Variants in ARHGEF38 observed in about 807,000 individuals in gnomAD.
ARHGEF38 encodes Rho guanine nucleotide exchange factor (GEF) 38.
A neutral mutation model predicts 79.9 loss-of-function variants in ARHGEF38; 79 were observed. The observed-to-expected ratio is 0.99, with a 90% confidence interval of 0.82 to 1.19. The LOEUF is 1.19. Among genes scored for constraint, ARHGEF38 ranks in the 50% most tolerant of loss-of-function variants. The pLI, the probability that ARHGEF38 is intolerant of heterozygous loss-of-function variation, is 0.00. For missense variants in ARHGEF38, 962 were observed against 907.2 expected, an observed-to-expected ratio of 1.06 and a Z score of -0.78; for synonymous variants, 366 against 328.3, an observed-to-expected ratio of 1.11 and a Z score of -1.24.
At position 105,680,818 on chromosome 4, in the gene ARHGEF38, T is replaced by G. The variant is rs1280386873; in HGVS notation, c.*2881T>G. On this transcript the variant is annotated 3_prime_UTR_variant, in exon 14 of 14. Coordinates refer to ENST00000420470, the MANE Select transcript of ARHGEF38 (RefSeq NM_001242729.2). The stretch of plus-strand genomic sequence containing the variant: ...CAACAGAAATTAAAATAATTGCTTC[T>G]CTTCTCAACTCTATGTAGCACGTAT... The G allele has an allele frequency of 3.3e-5, 5 of 152,194 alleles. No homozygotes were observed. The highest frequency in any genetic ancestry group is 1.5e-5 in the Non-Finnish European group (1 of 68,010). 9.4% of individuals were successfully genotyped at this position (152,194 alleles called of 1,614,324 possible).
At chr4:105,596,163 G>A (rs910252688) in intron 2 of ARHGEF38, among the ~76,000 whole-genome samples, 2 of 152,140 alleles carry the variant, frequency 1.3e-5, no homozygotes, top group African/African-American at 2.4e-5. Flanking sequence ...TCAGGATGGT[G>A]GGGAGTATAT....
rs201739133 is a variant in ARHGEF38 at position 105,631,608 on chromosome 4, A to C, written c.656+563A>C. 5.1e-6 allele frequency: 5 copies of C among 985,248 alleles called. No individual in the cohort carries two copies. The East Asian group carries it at 5.7e-4, about 112-fold the overall frequency. 61.0% of individuals were successfully genotyped at this position (985,248 alleles called of 1,614,324 possible). A position where few individuals can be genotyped will look rare whatever the true frequency, so the allele number is the denominator to read the frequency against. ...CAATGTACTTTTTCTTTTCTAGAGGAAGTATCTATTCACTGTGAAAATCTG... is the reference window on the plus strand; with the variant it reads ...CAATGTACTTTTTCTTTTCTAGAGGCAGTATCTATTCACTGTGAAAATCTG... On this transcript the variant is annotated intron_variant, in intron 4 of 13. Coordinates refer to ENST00000420470, the MANE Select transcript of ARHGEF38 (RefSeq NM_001242729.2).
intron 1 of ARHGEF38, among the ~76,000 whole-genome samples, chr4:105,561,371 C>G: frequency 7.3e-6 from 1 of 137,414 alleles, no homozygotes; most frequent in African/African-American, 2.8e-5. Flanking sequence ...CACTGCACTC[C>G]AGCCTGGAGT....
In ARHGEF38 at chr4:105,589,430, A is replaced by T. The variant is rs780516720; in HGVS notation, c.379A>T (p.Lys127Ter). ...VREVVQPLRN[K>*]KTDRLDVDSL... ...GGAAGTGGTTCAGCCCCTGAGAAAT[A>T]AAAAGGTAAATATATATTTGAGATT... Residue 127 changes from lysine to a stop codon, truncating the protein, a stop_gained, in exon 2 of 14, where the codon AAA becomes TAA. Transcript: ENST00000420470. LOFTEE classifies it high-confidence loss of function. 25 of 1,604,972 alleles carry T rather than the reference A, an allele frequency of 1.6e-5. No individual in the cohort carries two copies. The South Asian group carries it at 2.6e-4, about 17-fold the overall frequency.
At chr4:105,594,995 A>T (rs1727514698) in intron 2 of ARHGEF38, among the ~76,000 whole-genome samples, 1 of 152,240 alleles carries the variant, frequency 6.6e-6, no homozygotes, top group Non-Finnish European at 1.5e-5. Context: ...ACTAGAGTAG[A>T]CTAATCTAAC....
intron 2 of ARHGEF38, among the ~76,000 whole-genome samples, chr4:105,612,365 T>C (rs1170598908): frequency 6.6e-6 from 1 of 152,128 alleles, no homozygotes; most frequent in Non-Finnish European, 1.5e-5. Context: ...TCCCTAACTT[T>C]GCTGAGCTGG....
At chr4:105,659,623 C>G (rs1264353468) in intron 10 of ARHGEF38, among the ~76,000 whole-genome samples, 1 of 152,106 alleles carries the variant, frequency 6.6e-6, no homozygotes, top group Non-Finnish European at 1.5e-5. Flanking sequence ...TTTTCAAATA[C>G]CAAACACCTT....
intron 1 of ARHGEF38, among the ~76,000 whole-genome samples, chr4:105,561,409 A>AATG (rs1725534563): frequency 2.0e-5 from 1 of 51,258 alleles, no homozygotes. Flanking sequence ...ATAATAGAAT[A>AATG]GAATAGAATA....
At chr4:105,553,113 C>T in intron 1 of ARHGEF38, 152 bp downstream of exon 1, 2 of 598,524 alleles carry the variant, frequency 3.3e-6, no homozygotes, top group Middle Eastern at 9.1e-4. Context: ...TAAATGTGAC[C>T]TATAAATTAT....
At chr4:105,574,023 C>T (rs573492470) in intron 1 of ARHGEF38, among the ~76,000 whole-genome samples, 1 of 152,104 alleles carries the variant, frequency 6.6e-6, no homozygotes, top group Admixed American at 6.5e-5. Flanking sequence ...TTGTTCATTG[C>T]TACTGTATAG....
chr4:105,635,355 G>A (rs1180004695), intron 4 of ARHGEF38, among the ~76,000 whole-genome samples: 1 of 151,858 alleles, frequency 6.6e-6, no homozygotes, highest in African/African-American at 2.4e-5. Context: ...AAATCTCTCA[G>A]ATTCCCTTTC....
chr4:105,673,996 A>G (rs1179698034), intron 13 of ARHGEF38, among the ~76,000 whole-genome samples: 1 of 152,186 alleles, frequency 6.6e-6, no homozygotes, highest in Non-Finnish European at 1.5e-5. Flanking sequence ...TTTAGAACAG[A>G]AGATTAACAT....
Position 105,589,296 on chromosome 4 carries a change from C to G in ARHGEF38, c.245C>G (p.Pro82Arg). Residue 82 changes from proline to arginine, a missense_variant, in exon 2 of 14, where the codon CCA becomes CGA. Transcript: ENST00000420470. ...TGTTCTGTAGCTGAGACCTTAACCC[C>G]AGAGGAAGAGCATCATATGAAGAGG... ...GECSVAETLTPEEEHHMKRMM... is the reference protein window; with the variant it reads ...GECSVAETLTREEEHHMKRMM... 6 of 1,613,942 alleles carry G rather than the reference C, an allele frequency of 3.7e-6. No homozygotes were observed. The highest frequency in any genetic ancestry group is 5.1e-6 in the Non-Finnish European group (6 of 1,179,958).
intron 5 of ARHGEF38, among the ~76,000 whole-genome samples, chr4:105,641,929 T>C (rs970369353): frequency 3.3e-5 from 5 of 152,118 alleles, no homozygotes; most frequent in Non-Finnish European, 5.9e-5. Flanking sequence ...ACTAAATACT[T>C]GCCAAAGTAT....
At chr4:105,615,372 T>C (rs1728470997) in intron 3 of ARHGEF38, among the ~76,000 whole-genome samples, 1 of 152,124 alleles carries the variant, frequency 6.6e-6, no homozygotes, top group Non-Finnish European at 1.5e-5. Context: ...GACTAGTAAA[T>C]AGGTTGTTAT....
At chr4:105,605,458 C>A (rs1172000408) in intron 2 of ARHGEF38, among the ~76,000 whole-genome samples, 1 of 152,110 alleles carries the variant, frequency 6.6e-6, no homozygotes, top group Non-Finnish European at 1.5e-5. Flanking sequence ...GGACTAACAT[C>A]TCTGTGGCTA....
intron 2 of ARHGEF38, among the ~76,000 whole-genome samples, chr4:105,592,421 G>A (rs1453437817): frequency 6.7e-6 from 1 of 149,740 alleles, no homozygotes; most frequent in South Asian, 2.2e-4. Flanking sequence ...CCTTCTGATG[G>A]CACCGAGACC....
At chr4:105,671,938 G>A (rs1730970509) in intron 13 of ARHGEF38, among the ~76,000 whole-genome samples, 1 of 152,086 alleles carries the variant, frequency 6.6e-6, no homozygotes, top group African/African-American at 2.4e-5. Flanking sequence ...TCCAAGGGGT[G>A]TTGTAGGATG....
intron 2 of ARHGEF38, among the ~76,000 whole-genome samples, chr4:105,597,915 T>C (rs946895167): frequency 4.6e-5 from 7 of 152,178 alleles, no homozygotes; most frequent in Non-Finnish European, 8.8e-5. Context: ...CTTTCTCTCT[T>C]TAAATTATCC....
Sources: allele counts gnomAD v4.1 joint callset (sites outside exome capture counted in the v4.1 genomes callset), GRCh38; gene constraint gnomAD v4.1.1; transcripts MANE v1.5; gene names NCBI Gene and HGNC (gene_info 2026-07-23, HGNC 2026-07-21).